DLG1: variants seen among roughly 807,000 people sequenced by gnomAD.
DLG1 encodes the protein discs large MAGUK scaffold protein 1, also known as disks large homolog 1.
Under a neutral mutation model 123.4 loss-of-function variants are expected in DLG1, and 42 were observed. That is an observed-to-expected ratio of 0.34 (90% CI 0.27 to 0.44). DLG1 has a LOEUF of 0.44. DLG1 is among the 20% of genes least tolerant of loss of function. DLG1 has a pLI of 1.00. For synonymous variants in DLG1, 317 were observed against 356.2 expected, an observed-to-expected ratio of 0.89 and a Z score of 1.24; for missense variants, 942 against 1,082.6, an observed-to-expected ratio of 0.87 and a Z score of 1.82.
intron 4 of DLG1, among the ~76,000 whole-genome samples, chr3:197,241,117 TCAAAGA>T: frequency 6.6e-6 from 1 of 151,700 alleles, no homozygotes; most frequent in Admixed American, 6.6e-5. Context: ...ATTTGAAAAG[TCAAAGA>T]CAAAGAGAGG....
At chr3:197,127,183 G>C (rs1408636457) in intron 11 of DLG1, among the ~76,000 whole-genome samples, 3 of 151,614 alleles carry the variant, frequency 2.0e-5, no homozygotes, top group African/African-American at 4.8e-5. Flanking sequence ...AGCACTTTGA[G>C]AGGCCGAGGC....
At chr3:197,180,515 A>G (rs1333069015) in intron 5 of DLG1, among the ~76,000 whole-genome samples, 1 of 152,212 alleles carries the variant, frequency 6.6e-6, no homozygotes, top group Non-Finnish European at 1.5e-5. Context: ...CTCAAACTGA[A>G]AAAGTTTCAC....
intron 4 of DLG1, among the ~76,000 whole-genome samples, chr3:197,269,572 G>T (rs1579067512): frequency 6.6e-6 from 1 of 152,192 alleles, no homozygotes; most frequent in East Asian, 1.9e-4. Context: ...CAGTCTTGAA[G>T]CCTGAAGTTC....
chr3:197,152,419 C>CTTTTTTTTT (rs768327685), intron 5 of DLG1, among the ~76,000 whole-genome samples: 8 of 94,694 alleles, frequency 8.4e-5, no homozygotes, highest in South Asian at 3.8e-4. Flanking sequence ...ATCCCAAAGT[C>CTTTTTTTTT]TTTTTTTTTT....
chr3:197,225,321 T>C (rs1739289466), intron 4 of DLG1, among the ~76,000 whole-genome samples: 2 of 152,200 alleles, frequency 1.3e-5, no homozygotes, highest in African/African-American at 4.8e-5. Flanking sequence ...ATTCATTTTA[T>C]TTATATAGAA....
intron 4 of DLG1, among the ~76,000 whole-genome samples, chr3:197,274,023 T>C (rs1295067960): frequency 6.6e-6 from 1 of 152,094 alleles, no homozygotes; most frequent in Non-Finnish European, 1.5e-5. Flanking sequence ...AAAATGTCCA[T>C]ACTAACCAAA....
chr3:197,245,258 A>C (rs962711139), intron 4 of DLG1, among the ~76,000 whole-genome samples: 1 of 152,166 alleles, frequency 6.6e-6, no homozygotes, highest in South Asian at 2.1e-4. Context: ...GTTTTCTATT[A>C]ATCCAAACTT....
chr3:197,297,388 T>G lies in DLG1; in HGVS notation c.-31-153A>C, dbSNP rs1023851980. 1.3e-5 allele frequency: 18 copies of G among 1,439,868 alleles called. No homozygotes were observed. The African/African-American group carries it at 2.3e-4, about 18-fold the overall frequency. 89.2% of individuals were successfully genotyped at this position (1,439,868 alleles called of 1,614,324 possible). A position where few individuals can be genotyped will look rare whatever the true frequency, so the allele number is the denominator to read the frequency against. On this transcript the variant is annotated intron_variant, in intron 1 of 24. Transcript: ENST00000667157. Reference sequence around the variant, plus strand: ...AAAGAGTCTCAAAACGCAGCAGTTGTCTGTCAACGTGGAAAGCTTTTCCTT... The same window carrying G: ...AAAGAGTCTCAAAACGCAGCAGTTGGCTGTCAACGTGGAAAGCTTTTCCTT...
At chr3:197,174,136 C>T (rs1805785367) in intron 5 of DLG1, among the ~76,000 whole-genome samples, 1 of 152,108 alleles carries the variant, frequency 6.6e-6, no homozygotes, top group South Asian at 2.1e-4. Flanking sequence ...TACATTTGGC[C>T]TACAGATTGT....
At chr3:197,297,747 C>G in intron 1 of DLG1, 3 of 986,320 alleles carry the variant, frequency 3.0e-6, no homozygotes, top group Non-Finnish European at 3.6e-6. Flanking sequence ...CCGCGACGCC[C>G]TCGCGCCCCG....
chr3:197,298,618 C>A (rs1184761219), upstream of DLG1: 1 of 398,366 alleles, frequency 2.5e-6, no homozygotes, highest in African/African-American at 2.1e-5. Context: ...GGGGTAGATC[C>A]CCACCGGGGA....
chr3:197,181,997 G>A (rs986746132), intron 5 of DLG1, among the ~76,000 whole-genome samples: 18 of 152,204 alleles, frequency 1.2e-4, no homozygotes, highest in South Asian at 8.3e-4. Context: ...TAACTCTGTG[G>A]TTTCAACACT....
chr3:197,206,617 A>G (rs1209289068), intron 4 of DLG1, among the ~76,000 whole-genome samples: 1 of 152,178 alleles, frequency 6.6e-6, no homozygotes, highest in East Asian at 1.9e-4. Context: ...TATTCACCAA[A>G]AAGTCAACCA....
At chr3:197,154,057 C>T (rs1795199639) in intron 5 of DLG1, among the ~76,000 whole-genome samples, 1 of 151,030 alleles carries the variant, frequency 6.6e-6, no homozygotes, top group Admixed American at 6.6e-5. Context: ...AATCCTAGCA[C>T]TTTGGGAGGC....
At chr3:197,082,098 G>A (rs1260838764) in intron 16 of DLG1, among the ~76,000 whole-genome samples, 7 of 152,098 alleles carry the variant, frequency 4.6e-5, no homozygotes, top group Non-Finnish European at 5.9e-5. Flanking sequence ...AAGTCTTGGC[G>A]CAGTGGCTCA....
intron 6 of DLG1, among the ~76,000 whole-genome samples, chr3:197,149,031 T>C (rs1434835629): frequency 6.6e-6 from 1 of 152,200 alleles, no homozygotes; most frequent in Non-Finnish European, 1.5e-5. Context: ...TTTTTCTACT[T>C]TTTTACCTTA....
chr3:197,190,546 A>G (rs867232601), intron 5 of DLG1, among the ~76,000 whole-genome samples: 2 of 152,224 alleles, frequency 1.3e-5, no homozygotes, highest in Admixed American at 6.5e-5. Flanking sequence ...TCAAGGGTCA[A>G]CTATAGTAGC....
chr3:197,194,516 C>T lies in DLG1; in HGVS notation c.392G>A (p.Gly131Asp). ...CTCTGAGACATGAACCAATTCTGGA[C>T]CTATCACTTCATTTGTGATTTGTGG... The part of the protein sequence containing the change: ...ISPQITNEVI[G>D]PELVHVSEKN... Residue 131 changes from glycine (G) to aspartate (D), a missense_variant, in exon 5 of 25, where the codon GGT becomes GAT. Gly to Asp is a moderately conservative substitution (Grantham distance 94). Transcript: ENST00000667157. 6 of 1,606,194 alleles carry T rather than the reference C, an allele frequency of 3.7e-6. No individual in the cohort carries two copies. The highest frequency in any genetic ancestry group is 5.1e-6 in the Non-Finnish European group (6 of 1,176,400).
chr3:197,081,543 G>C (rs1438803217), intron 16 of DLG1, among the ~76,000 whole-genome samples: 1 of 152,188 alleles, frequency 6.6e-6, no homozygotes, highest in African/African-American at 2.4e-5. Context: ...AGGATATGTG[G>C]ACGTTCACTG....
Sources: allele counts gnomAD v4.1 joint callset (sites outside exome capture counted in the v4.1 genomes callset), GRCh38; gene constraint gnomAD v4.1.1; transcripts MANE v1.5; gene names NCBI Gene and HGNC (gene_info 2026-07-23, HGNC 2026-07-21).